ECT2: variants seen among roughly 807,000 people sequenced by gnomAD.
The protein encoded by ECT2 is epithelial cell transforming 2.
A neutral mutation model predicts 116.9 loss-of-function variants in ECT2; 61 were observed. The ratio of observed to expected loss-of-function variants is 0.52; its 90% CI spans 0.42 to 0.65. The LOEUF is 0.65. Among genes scored for constraint, ECT2 ranks in the 30% least tolerant of loss-of-function variants. The probability of loss-of-function intolerance (pLI) is 0.00; values close to 1 mark genes in which losing one functional copy is unlikely to be tolerated. For missense variants in ECT2, 937 were observed against 1,078.7 expected (o/e 0.87, Z 1.84); for synonymous variants, 358 against 346.4 (o/e 1.03, Z -0.37).
At chr3:172,812,859 A>G (rs1729018459) in intron 22 of ECT2, among the ~76,000 whole-genome samples, 1 of 152,186 alleles carries the variant, frequency 6.6e-6, no homozygotes, top group Non-Finnish European at 1.5e-5. Flanking sequence ...AATGGAATGA[A>G]ATCAAAGCAC....
At chr3:172,798,027 T>G (rs1726050126) in intron 18 of ECT2, among the ~76,000 whole-genome samples, 1 of 152,182 alleles carries the variant, frequency 6.6e-6, no homozygotes, top group Admixed American at 6.5e-5. Flanking sequence ...GTTTTAGTCT[T>G]TTTAACCTAA....
rs770114928 is a variant in ECT2, at chr3:172,754,652, A to T, written c.122A>T (p.Tyr41Phe). The change falls in exon 2 of 25, where the codon TAT becomes TTT. Residue 41 changes from tyrosine to phenylalanine, a missense_variant. By Grantham distance (22) the Tyr-to-Phe change is conservative. Transcript: ENST00000392692. ...KENLLIGSTS[Y>F]VEEEMPQIET... Reference sequence around the variant, plus strand: ...AACTTACTTATTGGATCTACTTCATATGTAGAAGGTAAACCTGTTACCTGC... The same window carrying T: ...AACTTACTTATTGGATCTACTTCATTTGTAGAAGGTAAACCTGTTACCTGC... 1 of 1,606,262 alleles carries T rather than the reference A, an allele frequency of 6.2e-7. No individual in the cohort carries two copies. Among genetic ancestry groups the T allele is most frequent in the South Asian group, 1.1e-5 (1 of 90,200 alleles).
chr3:172,776,429 T>C (rs1721752878), intron 14 of ECT2, among the ~76,000 whole-genome samples: 1 of 152,154 alleles, frequency 6.6e-6, no homozygotes, highest in South Asian at 2.1e-4. Flanking sequence ...TATCCAAAAA[T>C]GTCTAAAATT....
intron 14 of ECT2, among the ~76,000 whole-genome samples, chr3:172,778,139 A>T (rs777053799): frequency 1.3e-5 from 2 of 152,150 alleles, no homozygotes; most frequent in Non-Finnish European, 2.9e-5. Context: ...GGAAGAAAAG[A>T]AGTAAGTAGC....
Position 172,757,109 on chromosome 3 carries a change from G to C in ECT2, c.430G>C (p.Ala144Pro). Residue 144 changes from alanine to proline, a missense_variant, in exon 5 of 25, where the codon GCT becomes CCT. Ala to Pro is a conservative substitution (Grantham distance 27). Coordinates refer to ENST00000392692, the MANE Select transcript of ECT2 (RefSeq NM_001258315.2). ...TTCTGTCTTTAATGACCTCTACAAG[G>C]CTGATTGTAGAGTTATTGGACCACC... Reference protein sequence around the residue: ...QDSVFNDLYKADCRVIGPPVV... With the variant: ...QDSVFNDLYKPDCRVIGPPVV... 1.3e-6 allele frequency: 2 copies of C among 1,589,236 alleles called. No homozygotes were observed. Among genetic ancestry groups the C allele is most frequent in the Non-Finnish European group, 1.7e-6 (2 of 1,171,058 alleles).
In ECT2 at chr3:172,754,517, GAAGAATACAA is replaced by G. The variant is rs763111971; in HGVS notation, c.-12_-3del. The G allele has an allele frequency of 1.9e-6, 3 of 1,581,142 alleles. No individual in the cohort carries two copies. Among genetic ancestry groups the G allele is most frequent in the Non-Finnish European group, 2.6e-6 (3 of 1,166,916 alleles). Reference sequence around the variant, plus strand: ...AAATTTTATTTTTTCAGCTGATTTAGAAGAATACAAATCATGGCTGAAAATAGTGTATTAA... The same window carrying G: ...AAATTTTATTTTTTCAGCTGATTTAGATCATGGCTGAAAATAGTGTATTAA... On this transcript the variant is annotated 5_prime_UTR_variant, in exon 2 of 25. Transcript: ENST00000392692.
chr3:172,760,121 C>G lies in ECT2; in HGVS notation c.577-35C>G, dbSNP rs774738314. The G allele has an allele frequency of 2.1e-6, 3 of 1,439,410 alleles. No individual in the cohort carries two copies. In the African/African-American group the frequency reaches 4.3e-5, roughly 21 times the overall value. The allele number at this position is 1,439,410 out of a possible 1,614,324, so 89.2% of individuals were successfully genotyped here. A position where few individuals can be genotyped will look rare whatever the true frequency, so the allele number is the denominator to read the frequency against. On this transcript the variant is annotated intron_variant, in intron 6 of 24. Coordinates refer to ENST00000392692, the MANE Select transcript of ECT2 (RefSeq NM_001258315.2). ...TAGTTTAAAATTTTGTTCAAATTAA[C>G]CATAAAGTCAGTGTTGCTTAATTTT...
intron 21 of ECT2, among the ~76,000 whole-genome samples, chr3:172,807,091 T>C (rs904947155): frequency 6.6e-6 from 1 of 152,208 alleles, no homozygotes. Flanking sequence ...GTTACCAAAA[T>C]CTGGGATGCT....
In ECT2 at chr3:172,782,805, C is replaced by T. The variant is rs190850447; in HGVS notation, c.1617+574C>T. Among the ~76,000 whole-genome samples, 497 of 152,012 alleles carry T rather than the reference C, an allele frequency of 3.3e-3. 2 individuals are homozygous for T. The highest frequency in any genetic ancestry group is 6.8e-3 in the Middle Eastern group (2 of 294). On this transcript the variant is annotated intron_variant, in intron 15 of 24. Coordinates refer to ENST00000392692, the MANE Select transcript of ECT2 (RefSeq NM_001258315.2). ...AACATGTGATGTTTGGTTTTCTGTT[C>T]CTGTGTTAGTTTGTTAAGGATGATG...
chr3:172,782,879 T>G (rs944212192), intron 15 of ECT2, among the ~76,000 whole-genome samples: 1 of 152,200 alleles, frequency 6.6e-6, no homozygotes, highest in African/African-American at 2.4e-5. Flanking sequence ...CTCGCATTTT[T>G]TTTTTAATGG....
In ECT2 at chr3:172,760,209, T is replaced by C. The variant is rs1717954082; in HGVS notation, c.630T>C (p.Phe210=). 1 of 1,612,354 alleles carries C rather than the reference T, an allele frequency of 6.2e-7. No individual in the cohort carries two copies. Among genetic ancestry groups the C allele is most frequent in the African/African-American group, 1.3e-5 (1 of 74,896 alleles). ...HHMGGVIRKD[F]NSKVTHLVAN... is the part of the protein sequence containing the mutation. ...TGGGTGGAGTTATTCGAAAAGACTT[T>C]AATTCAAAAGTTACACATTTGGTGG... is the stretch of plus-strand genomic sequence containing the variant. Residue 210 remains phenylalanine, a synonymous_variant, in exon 7 of 25, where the codon TTT becomes TTC. Coordinates refer to ENST00000392692, the MANE Select transcript of ECT2 (RefSeq NM_001258315.2).
intron 14 of ECT2, among the ~76,000 whole-genome samples, chr3:172,780,427 G>A (rs912924832): frequency 1.3e-5 from 2 of 152,134 alleles, no homozygotes; most frequent in Non-Finnish European, 2.9e-5. Flanking sequence ...GCAGATCCAT[G>A]TGGACATGTT....
At chr3:172,784,028 A>G (rs544325225) in intron 16 of ECT2, 119 bp downstream of exon 16, 3 of 683,380 alleles carry the variant, frequency 4.4e-6, no homozygotes, top group African/African-American at 3.7e-5. Context: ...AATATCTGTT[A>G]ATTTTAGTTG....
intron 18 of ECT2, among the ~76,000 whole-genome samples, chr3:172,792,998 G>C (rs1339761908): frequency 2.6e-5 from 4 of 152,054 alleles, no homozygotes; most frequent in African/African-American, 9.7e-5. Context: ...GGAATTACAG[G>C]TGGAGCTACT....
intron 7 of ECT2, among the ~76,000 whole-genome samples, chr3:172,761,057 T>C (rs1718194519): frequency 6.6e-6 from 1 of 152,166 alleles, no homozygotes; most frequent in Admixed American, 6.5e-5. Context: ...GCTCTGCTCT[T>C]ATAAAGTGGT....
At chr3:172,777,073 C>T (rs1336253185) in intron 14 of ECT2, among the ~76,000 whole-genome samples, 1 of 151,962 alleles carries the variant, frequency 6.6e-6, no homozygotes, top group Non-Finnish European at 1.5e-5. Flanking sequence ...GGTTTCACCA[C>T]ATTGGCCAGG....
At chr3:172,774,059 T>C in intron 14 of ECT2, 37 bp downstream of exon 14, 5 of 1,587,294 alleles carry the variant, frequency 3.2e-6, no homozygotes, top group Non-Finnish European at 4.3e-6. Flanking sequence ...GTAATTTTTT[T>C]CAGATTGTAC....
intron 18 of ECT2, among the ~76,000 whole-genome samples, chr3:172,794,592 G>A (rs1480673054): frequency 2.6e-5 from 4 of 151,936 alleles, no homozygotes; most frequent in Non-Finnish European, 1.5e-5. Flanking sequence ...AATTTGGCAT[G>A]TGGCTTTTAG....
chr3:172,808,574 G>C (rs1380726869), intron 22 of ECT2, among the ~76,000 whole-genome samples: 1 of 152,166 alleles, frequency 6.6e-6, no homozygotes, highest in Non-Finnish European at 1.5e-5. Context: ...ATCCCTGGAT[G>C]AAATCCAGGT....
Sources: allele counts gnomAD v4.1 joint callset (sites outside exome capture counted in the v4.1 genomes callset), GRCh38; gene constraint gnomAD v4.1.1; transcripts MANE v1.5; gene names NCBI Gene and HGNC (gene_info 2026-07-23, HGNC 2026-07-21).